PDE1C: variants seen among roughly 807,000 people sequenced by gnomAD.
PDE1C encodes phosphodiesterase 1C, also known as dual specificity calcium/calmodulin-dependent 3',5'-cyclic nucleotide phosphodiesterase 1C.
A neutral mutation model predicts 93.1 loss-of-function variants in PDE1C; 62 were observed. The ratio of observed to expected loss-of-function variants is 0.67; its 90% CI spans 0.54 to 0.82. The LOEUF is 0.82. Among genes scored for constraint, PDE1C ranks in the 40% least tolerant of loss-of-function variants. The pLI is 0.00. For missense variants in PDE1C, 742 were observed against 884.6 expected (o/e 0.84, Z 2.04); for synonymous variants, 325 against 310.1 (o/e 1.05, Z -0.50).
rs1380258859 is a variant in PDE1C at position 31,824,885 on chromosome 7, G to A, written c.1388C>T (p.Thr463Ile). 6.2e-7 allele frequency: 1 copy of A among 1,613,148 alleles called. No individual in the cohort carries two copies. The highest frequency in any genetic ancestry group is 1.3e-5 in the African/African-American group (1 of 74,948). Reference sequence around the variant, plus strand: ...CACTGACCTCGAACGCCTCTGTCCTGTCCCACCAGTTTGAGAGGTTTCATC... The same window carrying A: ...CACTGACCTCGAACGCCTCTGTCCTATCCCACCAGTTTGAGAGGTTTCATC... ...LIDETSQTGGTGQRRSSLNSI... is the reference protein window; with the variant it reads ...LIDETSQTGGIGQRRSSLNSI... The change falls in exon 13 of 18, where the codon ACA becomes ATA. Residue 463 changes from threonine (T) to isoleucine (I), a missense_variant. Physicochemically the swap from Thr to Ile is moderately conservative, Grantham distance 89. Around this residue, in one of 4 missense-constraint regions of PDE1C, gnomAD observed 454 missense variants for 459.4 expected, o/e 0.99. Transcript: ENST00000396191.
intron 3 of PDE1C, among the ~76,000 whole-genome samples, chr7:32,125,869 T>C (rs1162780993): frequency 4.6e-5 from 7 of 151,894 alleles, no homozygotes; most frequent in Admixed American, 3.9e-4. Flanking sequence ...AAAAACATAA[T>C]GGGATAAAAT....
At chr7:32,383,029 C>A (rs1359445309) in intron 1 of PDE1C, among the ~76,000 whole-genome samples, 2 of 152,340 alleles carry the variant, frequency 1.3e-5, no homozygotes, top group East Asian at 3.9e-4. Flanking sequence ...AGGCCTCAGC[C>A]AGCAGATGTT....
chr7:31,690,020 A>C, the PDE1C span, among the ~76,000 whole-genome samples: 2 of 152,142 alleles, frequency 1.3e-5, no homozygotes, highest in Non-Finnish European at 2.9e-5. Flanking sequence ...TTTGTGACGA[A>C]TCACTGCTTT....
chr7:31,888,301 T>A (rs945694818), intron 2 of PDE1C, among the ~76,000 whole-genome samples: 13 of 144,486 alleles, frequency 9.0e-5, no homozygotes, highest in African/African-American at 3.1e-4. Flanking sequence ...AAATAAGTGA[T>A]CTCGTTATGC....
intron 2 of PDE1C, among the ~76,000 whole-genome samples, chr7:32,176,987 T>G (rs754355464): frequency 6.6e-6 from 1 of 152,202 alleles, no homozygotes; most frequent in Non-Finnish European, 1.5e-5. Flanking sequence ...GTTTGCTGAA[T>G]GAATTCATAA....
intron 1 of PDE1C, among the ~76,000 whole-genome samples, chr7:32,230,753 C>T (rs928104190): frequency 9.9e-5 from 15 of 152,086 alleles, no homozygotes; most frequent in Non-Finnish European, 2.1e-4. Context: ...AGGTAGAAGA[C>T]CCAGGATGCT....
chr7:32,251,750 C>CTCCATTT (rs1404693462), intron 1 of PDE1C, among the ~76,000 whole-genome samples: 2 of 152,334 alleles, frequency 1.3e-5, no homozygotes, highest in South Asian at 4.1e-4. Flanking sequence ...TTTCTCCATT[C>CTCCATTT]TCCATTTTCC....
rs566266680 is a variant in PDE1C at position 31,865,901 on chromosome 7, T to C, written c.610-819A>G. ...TTTCCTACAAATGAGATATGCTGCA[T>C]AGTATGTATTCATTTATTTCTCAAC... On this transcript the variant is annotated intron_variant, in intron 6 of 17. Transcript: ENST00000396191. Among the ~76,000 whole-genome samples the C allele has an allele frequency of 1.4e-4, 21 of 152,308 alleles. No individual in the cohort carries two copies. The South Asian group carries it at 3.3e-3, about 24-fold the overall frequency.
At chr7:32,224,406 A>G (rs1807101890) in intron 1 of PDE1C, among the ~76,000 whole-genome samples, 1 of 151,846 alleles carries the variant, frequency 6.6e-6, no homozygotes, top group Non-Finnish European at 1.5e-5. Context: ...AGAGTCAGGC[A>G]GACCTAACTT....
intron 2 of PDE1C, among the ~76,000 whole-genome samples, chr7:32,048,471 C>T (rs1264502021): frequency 1.3e-5 from 2 of 151,966 alleles, no homozygotes; most frequent in African/African-American, 2.4e-5. Context: ...CAGATGGAAG[C>T]ACCCTGGAGG....
intron 1 of PDE1C, among the ~76,000 whole-genome samples, chr7:32,243,525 C>G (rs1273951546): frequency 6.6e-6 from 1 of 152,154 alleles, no homozygotes; most frequent in Non-Finnish European, 1.5e-5. Flanking sequence ...AAACTGCACA[C>G]CAGACATCAC....
chr7:31,930,847 TCAAAAAAA>T (rs1342598636), intron 2 of PDE1C, among the ~76,000 whole-genome samples: 1 of 17,216 alleles, frequency 5.8e-5, no homozygotes, highest in African/African-American at 2.7e-4. Context: ...AGACTCTGTC[TCAAAAAAA>T]AAAAAAAAAA....
chr7:32,043,178 A>G (rs1481928359), intron 2 of PDE1C, among the ~76,000 whole-genome samples: 1 of 152,074 alleles, frequency 6.6e-6, no homozygotes, highest in East Asian at 2.0e-4. Flanking sequence ...CAAAAGCATC[A>G]ATAGTGCCAT....
intron 2 of PDE1C, among the ~76,000 whole-genome samples, chr7:31,974,040 T>C (rs1218733571): frequency 6.6e-6 from 1 of 152,210 alleles, no homozygotes; most frequent in Non-Finnish European, 1.5e-5. Context: ...CTCTCATTGT[T>C]CAGAATTAAG....
chr7:32,346,434 G>C (rs761838620), intron 1 of PDE1C, among the ~76,000 whole-genome samples: 13 of 152,196 alleles, frequency 8.5e-5, no homozygotes, highest in Non-Finnish European at 1.8e-4. Flanking sequence ...ACAGCACGTT[G>C]CTCCAGTGGT....
At chr7:31,946,316 G>A (rs532970469) in intron 2 of PDE1C, among the ~76,000 whole-genome samples, 62 of 152,198 alleles carry the variant, frequency 4.1e-4, no homozygotes, top group African/African-American at 1.1e-3. Flanking sequence ...CATGGTCTTT[G>A]GAACAACAAG....
At chr7:32,203,662 G>T (rs56776387) in intron 2 of PDE1C, among the ~76,000 whole-genome samples, 1 of 151,962 alleles carries the variant, frequency 6.6e-6, no homozygotes, top group Non-Finnish European at 1.5e-5. Context: ...ATTATCCGAG[G>T]GGGTACGTTC....
intron 2 of PDE1C, among the ~76,000 whole-genome samples, chr7:32,207,727 T>C (rs1208860826): frequency 1.3e-5 from 2 of 152,210 alleles, no homozygotes; most frequent in East Asian, 1.9e-4. Context: ...ATAATAAGCT[T>C]TGAAGACACA....
At chr7:31,858,138 G>C (rs1562930664) in intron 7 of PDE1C, among the ~76,000 whole-genome samples, 1 of 152,192 alleles carries the variant, frequency 6.6e-6, no homozygotes, top group Non-Finnish European at 1.5e-5. Flanking sequence ...GAAGCAGACA[G>C]AAGAGAAAAC....
Sources: gnomAD v4.1 joint callset for allele counts (sites outside exome capture counted in the v4.1 genomes callset) on GRCh38, gnomAD v4.1.1 for gene constraint, gnomAD v4.1.1 regional missense constraint, MANE v1.5 for transcripts, NCBI Gene and HGNC (gene_info 2026-07-23, HGNC 2026-07-21) for gene names.